Variants in GEMIN8 observed in about 807,000 individuals in gnomAD.
GEMIN8 encodes the protein gem nuclear organelle associated protein 8, also known as gem-associated protein 8.
For missense variants in GEMIN8, 185 were observed against 205.9 expected (o/e 0.90, Z 0.62); for synonymous variants, 80 against 78.5 (o/e 1.02, Z -0.10).
chrX:14,015,409 T>C (rs1923839748), intron 4 of GEMIN8, among the ~76,000 whole-genome samples: 1 of 112,760 alleles, frequency 8.9e-6, no homozygotes, highest in Non-Finnish European at 1.9e-5. Context: ...CGGAAATATC[T>C]TGTTAGGAAA....
At chrX:14,002,794 G>A (rs1923020565), downstream of GEMIN8, among the ~76,000 whole-genome samples, 1 of 111,889 alleles carries the variant, frequency 8.9e-6, no homozygotes, top group African/African-American at 3.2e-5. Context: ...GAGCCACCAC[G>A]CCCGGCCAAC....
chrX:14,020,512 C>T lies in GEMIN8; in HGVS notation c.38G>A (p.Arg13Lys), dbSNP rs1924242917. 8.4e-7 allele frequency: 1 copy of T among 1,190,371 alleles called. No homozygotes were observed. Among genetic ancestry groups the T allele is most frequent in the Non-Finnish European group, 1.1e-6 (1 of 877,873 alleles). ...AVKASTSKAT[R>K]PWYSHPVYAR... ...ATATACCGGATGAGAATACCAAGGCCTGGTAGCTTTCGATGTTGATGCCTA... is the reference window on the plus strand; with the variant it reads ...ATATACCGGATGAGAATACCAAGGCTTGGTAGCTTTCGATGTTGATGCCTA... Residue 13 changes from arginine (R) to lysine (K), a missense_variant, in exon 4 of 5, where the codon AGG becomes AAG. Physicochemically the swap from Arg to Lys is conservative, Grantham distance 26. Transcript: ENST00000680255.
intron 4 of GEMIN8, chrX:14,014,230 C>G (rs936681291): frequency 1.3e-6 from 1 of 750,046 alleles, no homozygotes; most frequent in Non-Finnish European, 1.6e-6. Context: ...TGCTATTTTG[C>G]CAAAATGAAT....
chrX:14,016,844 CAAAA>C (rs1174566527), intron 4 of GEMIN8, among the ~76,000 whole-genome samples: 10 of 22,595 alleles, frequency 4.4e-4, no homozygotes, highest in African/African-American at 1.7e-3. Context: ...GAATCTGTCT[CAAAA>C]AAAAAAAAAA....
chrX:14,018,579 A>G (rs1924084179), intron 4 of GEMIN8, among the ~76,000 whole-genome samples: 1 of 111,818 alleles, frequency 8.9e-6, no homozygotes, highest in African/African-American at 3.2e-5. Context: ...GACATGCTCC[A>G]ATGCTTCTCA....
chrX:14,005,878 T>C (rs1222464898), downstream of GEMIN8, among the ~76,000 whole-genome samples: 2 of 111,031 alleles, frequency 1.8e-5, no homozygotes, highest in Non-Finnish European at 3.8e-5. Context: ...CTCTGTTGTA[T>C]TGAGTGCGAG....
At chrX:13,985,633 C>A in the GEMIN8 span, among the ~76,000 whole-genome samples, 1 of 111,914 alleles carries the variant, frequency 8.9e-6, no homozygotes, top group Non-Finnish European at 1.9e-5. Context: ...AGACTGAGTA[C>A]AGAGTATTGA....
chrX:13,998,361 C>T, the GEMIN8 span, among the ~76,000 whole-genome samples: 1 of 110,196 alleles, frequency 9.1e-6, no homozygotes, highest in Non-Finnish European at 1.9e-5. Flanking sequence ...GTGACTGGCT[C>T]ATGGGGGCAG....
At chrX:14,004,078 T>C (rs888374899), downstream of GEMIN8, among the ~76,000 whole-genome samples, 1 of 112,246 alleles carries the variant, frequency 8.9e-6, no homozygotes, top group African/African-American at 3.2e-5. Context: ...TATTCTGAAG[T>C]TGGGGTGTAT....
At chrX:14,005,689 T>G (rs1440527078), downstream of GEMIN8, among the ~76,000 whole-genome samples, 2 of 112,109 alleles carry the variant, frequency 1.8e-5, no homozygotes, top group East Asian at 5.6e-4. Flanking sequence ...CTACTACTTG[T>G]GATTGGCATC....
At position 14,007,512 on chromosome X, in the gene GEMIN8, C is replaced by G. The variant is rs1467475277; in HGVS notation, c.*1401G>C. On this transcript the variant is annotated 3_prime_UTR_variant, in exon 5 of 5. Transcript: ENST00000680255. ...GCGTTTTCTGCAACAGAGGTGACTGCAGCAGTGACCAGGTTTGGGAATTAT... is the reference window on the plus strand; with the variant it reads ...GCGTTTTCTGCAACAGAGGTGACTGGAGCAGTGACCAGGTTTGGGAATTAT... 9.0e-6 allele frequency among the ~76,000 whole-genome samples: 1 copy of G among 111,070 alleles called. No individual in the cohort carries two copies. Among genetic ancestry groups the G allele is most frequent in the Non-Finnish European group, 1.9e-5 (1 of 52,997 alleles).
Position 14,026,164 on chromosome X carries a change from T to C in GEMIN8, c.-58A>G, listed in dbSNP as rs1489153159. On this transcript the variant is annotated 5_prime_UTR_variant, in exon 2 of 5. Coordinates refer to ENST00000680255, the MANE Select transcript of GEMIN8 (RefSeq NM_001042479.2). ...CCTCCCTGGGAATGTCTCCCACTCTTTTATGGCACAAGCCTTCAGGGACTG... is the reference window on the plus strand; with the variant it reads ...CCTCCCTGGGAATGTCTCCCACTCTCTTATGGCACAAGCCTTCAGGGACTG... The C allele has an allele frequency of 3.2e-5, 24 of 751,299 alleles. No homozygotes were observed. The highest frequency in any genetic ancestry group is 3.8e-5 in the Non-Finnish European group (24 of 637,339). 61.9% of individuals were successfully genotyped at this position (751,299 alleles called of 1,213,427 possible).
chrX:14,012,731 C>T (rs1923641842), intron 4 of GEMIN8, among the ~76,000 whole-genome samples: 2 of 111,360 alleles, frequency 1.8e-5, no homozygotes, highest in Middle Eastern at 4.6e-3. Context: ...TCTTTTCCTT[C>T]CAGATGCTGT....
At chrX:13,991,164 G>T in the GEMIN8 span, among the ~76,000 whole-genome samples, 2,175 of 112,655 alleles carry the variant, frequency 0.019, 43 homozygotes, top group African/African-American at 0.066. Flanking sequence ...CAATGGCTTG[G>T]CTGAAAGAAT....
chrX:14,008,822 G>A lies in GEMIN8; in HGVS notation c.*91C>T, dbSNP rs41305219. ...GAACATGCCTGTACCCCAGTACAAA[G>A]TCCCCTTTCCCTAAGAAATGTACAG... On this transcript the variant is annotated 3_prime_UTR_variant, in exon 5 of 5. Coordinates refer to ENST00000680255, the MANE Select transcript of GEMIN8 (RefSeq NM_001042479.2). The A allele has an allele frequency of 0.015, 13,400 of 921,862 alleles. 78 individuals are homozygous for A. Among genetic ancestry groups the A allele is most frequent in the Middle Eastern group, 0.026 (95 of 3,612 alleles). The allele number at this position is 921,862 out of a possible 1,213,427, so 76.0% of individuals were successfully genotyped here.
At chrX:13,997,530 G>A in the GEMIN8 span, among the ~76,000 whole-genome samples, 1 of 111,697 alleles carries the variant, frequency 9.0e-6, no homozygotes, top group Admixed American at 9.6e-5. Context: ...AAATGGTTAA[G>A]TCACTAAGTT....
intron 2 of GEMIN8, 75 bp from the exon 3 acceptor site, chrX:14,021,586 T>C (rs1449822366): frequency 2.0e-5 from 14 of 705,051 alleles, no homozygotes; most frequent in Admixed American, 5.4e-5. Context: ...CTATGGTTTG[T>C]GAGGCAGCTC....
chrX:14,013,425 G>A (rs1923696992), intron 4 of GEMIN8, among the ~76,000 whole-genome samples: 1 of 112,359 alleles, frequency 8.9e-6, no homozygotes, highest in Admixed American at 9.4e-5. Context: ...TTCTATTCCA[G>A]CTTCAAAATA....
In GEMIN8 at chrX:14,012,047, G is replaced by A. The variant is rs928085562; in HGVS notation, c.473-2878C>T. ...TTTTAGTTCTTAATAAAGTTCATAC[G>A]GTGTAAGAATACAAAAATAAAAGAC... On this transcript the variant is annotated intron_variant, in intron 4 of 4. Coordinates refer to ENST00000680255, the MANE Select transcript of GEMIN8 (RefSeq NM_001042479.2). Among the ~76,000 whole-genome samples the A allele has an allele frequency of 1.9e-4, 21 of 110,799 alleles. No homozygotes were observed. The Admixed American group carries it at 1.9e-3, about 10-fold the overall frequency.
Sources: allele counts gnomAD v4.1 joint callset (sites outside exome capture counted in the v4.1 genomes callset), GRCh38; gene constraint gnomAD v4.1.1; transcripts MANE v1.5; gene names NCBI Gene and HGNC (gene_info 2026-07-23, HGNC 2026-07-21).